EHBP1: variants seen among roughly 807,000 people sequenced by gnomAD.
The protein encoded by EHBP1 is EH domain-binding protein 1.
EHBP1 carries 55 observed loss-of-function variants against 144.0 expected under a neutral mutation model. The ratio of observed to expected loss-of-function variants is 0.38; its 90% CI spans 0.31 to 0.48. The LOEUF (loss-of-function observed/expected upper bound fraction) is 0.48, where lower values mean the gene tolerates loss of function less well. Among genes scored for constraint, EHBP1 ranks in the 20% least tolerant of loss-of-function variants. The pLI is 0.98. For synonymous variants in EHBP1, 469 were observed against 472.7 expected, an observed-to-expected ratio of 0.99 and a Z score of 0.10; for missense variants, 1,200 against 1,364.2, an observed-to-expected ratio of 0.88 and a Z score of 1.90.
intron 5 of EHBP1, among the ~76,000 whole-genome samples, chr2:62,777,950 A>G (rs910600278): frequency 1.2e-4 from 19 of 152,208 alleles, no homozygotes; most frequent in Admixed American, 1.0e-3. Flanking sequence ...CCCCCATTAA[A>G]GATTAATAGA....
intron 10 of EHBP1, among the ~76,000 whole-genome samples, chr2:62,892,364 A>G (rs1439117366): frequency 2.6e-5 from 4 of 152,162 alleles, no homozygotes; most frequent in Non-Finnish European, 5.9e-5. Flanking sequence ...AAATCTTCAC[A>G]AGGAAGCAAA....
chr2:62,822,192 AAGATCTTTCCCCCTTT>A (rs2046033844), intron 5 of EHBP1, among the ~76,000 whole-genome samples: 1 of 152,176 alleles, frequency 6.6e-6, no homozygotes, highest in Non-Finnish European at 1.5e-5. Flanking sequence ...GAAAAATTGT[AAGATCTTTCCCCCTTT>A]ATGCTCATGT....
intron 14 of EHBP1, among the ~76,000 whole-genome samples, chr2:62,964,075 G>A (rs542981011): frequency 6.6e-6 from 1 of 152,280 alleles, no homozygotes; most frequent in African/African-American, 2.4e-5. Context: ...ATGTCTAAAT[G>A]TAAGTTGATT....
At chr2:63,020,980 ATTTTT>A (rs761382729) in intron 19 of EHBP1, among the ~76,000 whole-genome samples, 15 of 68,572 alleles carry the variant, frequency 2.2e-4, no homozygotes, top group African/African-American at 8.6e-4. Flanking sequence ...GCCTGGCCTC[ATTTTT>A]TTTTTTTTTT....
At chr2:62,828,855 G>A (rs534675733) in intron 6 of EHBP1, among the ~76,000 whole-genome samples, 1 of 152,244 alleles carries the variant, frequency 6.6e-6, no homozygotes, top group South Asian at 2.1e-4. Context: ...TTTAGGCCAG[G>A]CACAGTGGTT....
chr2:62,759,707 G>T (rs1028314522), intron 3 of EHBP1, among the ~76,000 whole-genome samples: 1 of 151,940 alleles, frequency 6.6e-6, no homozygotes, highest in Admixed American at 6.6e-5. Flanking sequence ...CCCAGCCAGT[G>T]GTGTGCTTTT....
chr2:62,743,699 C>A (rs1361098189), intron 2 of EHBP1, among the ~76,000 whole-genome samples: 2 of 152,074 alleles, frequency 1.3e-5, no homozygotes, highest in African/African-American at 2.4e-5. Flanking sequence ...AAAATTTAAG[C>A]CAGAAATGTT....
chr2:63,026,294 T>TTTG (rs1553517810), intron 19 of EHBP1, among the ~76,000 whole-genome samples: 9 of 129,024 alleles, frequency 7.0e-5, no homozygotes, highest in Non-Finnish European at 1.3e-4. Context: ...GCTCTCTACC[T>TTTG]TGTGTGTGTG....
intron 1 of EHBP1, among the ~76,000 whole-genome samples, chr2:62,697,688 A>G (rs186849476): frequency 1.6e-4 from 24 of 152,364 alleles, no homozygotes; most frequent in Non-Finnish European, 2.9e-4. Flanking sequence ...TTATTCACTG[A>G]ATATTTCTTA....
intron 15 of EHBP1, among the ~76,000 whole-genome samples, chr2:62,980,620 A>G (rs1322482529): frequency 1.3e-5 from 2 of 152,096 alleles, no homozygotes; most frequent in African/African-American, 4.8e-5. Context: ...CATAAATTTG[A>G]AAGCTTCTTC....
chr2:62,968,626 A>G (rs1242316831), intron 14 of EHBP1, among the ~76,000 whole-genome samples: 1 of 152,162 alleles, frequency 6.6e-6, no homozygotes, highest in Non-Finnish European at 1.5e-5. Flanking sequence ...TAACACAAAT[A>G]CCTATGGTTT....
chr2:62,769,880 A>G (rs2041515098), intron 4 of EHBP1, among the ~76,000 whole-genome samples: 1 of 152,044 alleles, frequency 6.6e-6, no homozygotes, highest in African/African-American at 2.4e-5. Flanking sequence ...ACCTGCAACT[A>G]TCTCATCTTT....
At chr2:63,043,920 C>CTGTTTTTTTTTTTTTTTTTTTTT (rs2061796841) in intron 21 of EHBP1, 1 of 9,384 alleles carries the variant, frequency 1.1e-4, no homozygotes, top group Admixed American at 1.4e-3. Context: ...GGCCATGGTT[C>CTGTTTTTTTTTTTTTTTTTTTTT]TTTTTTTTTT....
intron 10 of EHBP1, among the ~76,000 whole-genome samples, chr2:62,933,792 C>T (rs1468772605): frequency 1.3e-5 from 2 of 152,012 alleles, no homozygotes; most frequent in African/African-American, 4.8e-5. Context: ...TTAAGTATGA[C>T]CCCCCTAAAC....
At chr2:62,846,430 G>T (rs997810002) in intron 7 of EHBP1, among the ~76,000 whole-genome samples, 2 of 152,118 alleles carry the variant, frequency 1.3e-5, no homozygotes, top group African/African-American at 4.8e-5. Context: ...GATGCAGAAA[G>T]GAACATTTGA....
chr2:62,895,465 C>G (rs1260215887), intron 10 of EHBP1, among the ~76,000 whole-genome samples: 2 of 152,148 alleles, frequency 1.3e-5, no homozygotes, highest in African/African-American at 4.8e-5. Context: ...GTTACTGATA[C>G]TTTTGGCATT....
intron 1 of EHBP1, among the ~76,000 whole-genome samples, chr2:62,698,520 C>G (rs75257772): frequency 6.6e-6 from 1 of 152,188 alleles, no homozygotes; most frequent in Non-Finnish European, 1.5e-5. Context: ...GAAGATTGAA[C>G]TATGGCACAA....
At chr2:62,803,574 T>C (rs139329379) in intron 5 of EHBP1, among the ~76,000 whole-genome samples, 32 of 152,340 alleles carry the variant, frequency 2.1e-4, no homozygotes, top group South Asian at 1.2e-3. Context: ...CATCTTGTTA[T>C]ATGTTTATTA....
chr2:62,870,740 T>C (rs895269022), intron 9 of EHBP1, among the ~76,000 whole-genome samples: 2 of 145,562 alleles, frequency 1.4e-5, no homozygotes, highest in South Asian at 2.2e-4. Context: ...AAAAAATACA[T>C]ATATATATAT....
Sources: gnomAD v4.1 joint callset for allele counts (sites outside exome capture counted in the v4.1 genomes callset) on GRCh38, gnomAD v4.1.1 for gene constraint, MANE v1.5 for transcripts, NCBI Gene and HGNC (gene_info 2026-07-23, HGNC 2026-07-21) for gene names.